Variants in PLEKHA5 observed in about 807,000 individuals in gnomAD.
PLEKHA5 encodes pleckstrin homology domain containing A5.
PLEKHA5 carries 55 observed loss-of-function variants against 181.9 expected under a neutral mutation model. The ratio of observed to expected loss-of-function variants is 0.30; its 90% confidence interval spans 0.24 to 0.38. The LOEUF (loss-of-function observed/expected upper bound fraction) is 0.38. Among genes scored for constraint, PLEKHA5 ranks in the 10% least tolerant of loss-of-function variants. The pLI is 1.00. For missense variants in PLEKHA5, 1,432 were observed against 1,549.5 expected, an observed-to-expected ratio of 0.92 and a Z score of 1.27; for synonymous variants, 535 against 529.4, an observed-to-expected ratio of 1.01 and a Z score of -0.15.
chr12:19,319,166 A>C (rs1347134977), intron 16 of PLEKHA5, among the ~76,000 whole-genome samples: 3 of 152,128 alleles, frequency 2.0e-5, no homozygotes, highest in Non-Finnish European at 4.4e-5. Context: ...ACCTGAGGAT[A>C]CTTATTTTGA....
chr12:19,309,840 A>G (rs765225052), intron 15 of PLEKHA5, among the ~76,000 whole-genome samples: 21 of 152,212 alleles, frequency 1.4e-4, no homozygotes, highest in Non-Finnish European at 2.5e-4. Flanking sequence ...CATGTTATAT[A>G]TGCAAAGTAG....
At chr12:19,200,226 A>G in intron 3 of PLEKHA5, 1 of 808,768 alleles carries the variant, frequency 1.2e-6, no homozygotes, top group East Asian at 2.7e-5. Flanking sequence ...TGCAGCAACA[A>G]AAGTATCACC....
intron 3 of PLEKHA5, chr12:19,153,843 TTGTC>T (rs921070336): frequency 2.0e-4 from 31 of 152,332 alleles, no homozygotes; most frequent in African/African-American, 6.7e-4. Flanking sequence ...TGTACTGTCA[TTGTC>T]TGGCTTTGAT....
chr12:19,348,499 T>C lies in PLEKHA5; in HGVS notation c.2999T>C (p.Ile1000Thr), dbSNP rs2094442415. Residue 1000 changes from isoleucine to threonine, a missense_variant, in exon 25 of 32, where the codon ATA becomes ACA. By Grantham distance (89) the Ile-to-Thr change is moderately conservative. This residue lies in a region of PLEKHA5 where 1,143 missense variants were observed against 1,168.4 expected (regional missense o/e 0.98). Coordinates refer to ENST00000429027, the MANE Select transcript of PLEKHA5 (RefSeq NM_001256470.2). ...GAAAAATCAGAACCTGTTTCAGAGATAGAAACTTCAGTTGTTAAAGGTCAG... is the reference window on the plus strand; with the variant it reads ...GAAAAATCAGAACCTGTTTCAGAGACAGAAACTTCAGTTGTTAAAGGTCAG... ...GEEKSEPVSE[I>T]ETSVVKGSHF... The C allele has an allele frequency of 6.3e-7, 1 of 1,576,144 alleles. No homozygotes were observed.
chr12:19,320,025 TA>T lies in PLEKHA5; in HGVS notation c.2125del (p.Arg709AspfsTer6). On this transcript the variant is annotated frameshift_variant, in exon 17 of 32. Coordinates refer to ENST00000429027, the MANE Select transcript of PLEKHA5 (RefSeq NM_001256470.2). LOFTEE classifies it high-confidence loss of function. Reference sequence around the variant, plus strand: ...TTTTCCTTCATTATCTTTTAGTTCTTAAGACAGAAGAGCAAGATAAGTCTAT... The same window carrying T: ...TTTTCCTTCATTATCTTTTAGTTCTTAGACAGAAGAGCAAGATAAGTCTAT... ...ALRPQLYQQFLRQKSKISLYC... is the reference protein window; with the variant it reads ...ALRPQLYQQFXRQKSKISLYC... 1.5e-6 allele frequency: 2 copies of T among 1,331,928 alleles called. No homozygotes were observed. Among genetic ancestry groups the T allele is most frequent in the Non-Finnish European group, 2.1e-6 (2 of 973,680 alleles). The allele number at this position is 1,331,928 out of a possible 1,614,324, so 82.5% of individuals were successfully genotyped here. A position where few individuals can be genotyped will look rare whatever the true frequency, so the allele number is the denominator to read the frequency against.
intron 3 of PLEKHA5, among the ~76,000 whole-genome samples, chr12:19,176,984 C>T (rs544744878): frequency 6.9e-4 from 105 of 152,160 alleles, no homozygotes; most frequent in African/African-American, 2.5e-3. Flanking sequence ...TCTCCCGCCT[C>T]GGCCTCCTGA....
chr12:19,240,454 T>A (rs1281175104), intron 3 of PLEKHA5, among the ~76,000 whole-genome samples: 5 of 150,610 alleles, frequency 3.3e-5, no homozygotes. Flanking sequence ...TTTTTTTTTT[T>A]TTTTTAAAGA....
chr12:19,307,925 TA>T (rs892316520), intron 15 of PLEKHA5, among the ~76,000 whole-genome samples: 28 of 143,124 alleles, frequency 2.0e-4, no homozygotes, highest in African/African-American at 7.3e-4. Context: ...CTGGGAAACA[TA>T]AAAAGAAGAA....
rs113716726 is a variant in PLEKHA5, at chr12:19,277,903, G to A, written c.1313+2920G>A. 2.0e-5 allele frequency among the ~76,000 whole-genome samples: 3 copies of A among 152,296 alleles called. 1 individual carries two copies. Among genetic ancestry groups the A allele is most frequent in the African/African-American group, 7.2e-5 (3 of 41,570 alleles). On this transcript the variant is annotated intron_variant, in intron 11 of 31. Coordinates refer to ENST00000429027, the MANE Select transcript of PLEKHA5 (RefSeq NM_001256470.2). ...TGGTCCTTAAGCCATTGTTCTGCAT[G>A]GCAGAATCACAGGGAAAGGGCTTTT...
At chr12:19,362,191 AG>A (rs2095269172) in intron 29 of PLEKHA5, among the ~76,000 whole-genome samples, 36 of 124,912 alleles carry the variant, frequency 2.9e-4, no homozygotes, top group African/African-American at 9.8e-4. Context: ...AAAAAAAAAA[AG>A]GCATAATAAC....
chr12:19,317,507 A>G (rs892133321), intron 16 of PLEKHA5, among the ~76,000 whole-genome samples: 2 of 152,132 alleles, frequency 1.3e-5, no homozygotes, highest in Non-Finnish European at 2.9e-5. Context: ...AAATGCCTAT[A>G]GTCCTATGAG....
intron 7 of PLEKHA5, among the ~76,000 whole-genome samples, chr12:19,263,138 ATAAT>A (rs967315672): frequency 2.6e-5 from 4 of 152,262 alleles, no homozygotes; most frequent in East Asian, 3.9e-4. Context: ...TTAAATTAAA[ATAAT>A]TAGATTTCAG....
chr12:19,189,362 A>G (rs4764471), intron 3 of PLEKHA5, among the ~76,000 whole-genome samples: 14,814 of 152,310 alleles, frequency 0.097, 881 homozygotes, highest in Admixed American at 0.19. Flanking sequence ...AAGTGTCAGC[A>G]GAGATGGAGG....
chr12:19,232,639 T>A (rs935996293), intron 3 of PLEKHA5, among the ~76,000 whole-genome samples: 2 of 152,182 alleles, frequency 1.3e-5, no homozygotes, highest in African/African-American at 4.8e-5. Flanking sequence ...GGCTTTCTCA[T>A]TATAAATGGT....
At chr12:19,201,428 G>T (rs573982023) in intron 3 of PLEKHA5, 2 of 152,096 alleles carry the variant, frequency 1.3e-5, no homozygotes, top group Non-Finnish European at 2.9e-5. Flanking sequence ...AAAGAGATTG[G>T]CAGTTTCTGG....
chr12:19,170,219 C>T (rs2045570085), intron 3 of PLEKHA5, among the ~76,000 whole-genome samples: 1 of 152,144 alleles, frequency 6.6e-6, no homozygotes, highest in African/African-American at 2.4e-5. Context: ...AATGTCTGGC[C>T]TTTGCTGAAT....
chr12:19,314,654 T>G (rs926066904), intron 15 of PLEKHA5, 160 bp from the exon 16 acceptor site: 8 of 634,492 alleles, frequency 1.3e-5, no homozygotes, highest in Non-Finnish European at 2.3e-5. Flanking sequence ...TTGTTTGAAA[T>G]GGTTTATATG....
intron 15 of PLEKHA5, among the ~76,000 whole-genome samples, chr12:19,309,826 A>T (rs912746932): frequency 3.3e-5 from 5 of 152,128 alleles, no homozygotes; most frequent in African/African-American, 1.2e-4. Flanking sequence ...GCACACAGTG[A>T]TTTCATGTTA....
At chr12:19,176,749 G>T (rs1209507512) in intron 3 of PLEKHA5, among the ~76,000 whole-genome samples, 2 of 152,016 alleles carry the variant, frequency 1.3e-5, no homozygotes, top group African/African-American at 4.8e-5. Context: ...TTAACTTTCT[G>T]TATTTACTTA....
Sources: allele counts gnomAD v4.1 joint callset (sites outside exome capture counted in the v4.1 genomes callset), GRCh38; gene constraint gnomAD v4.1.1; regional missense constraint gnomAD v4.1.1; transcripts MANE v1.5; gene names NCBI Gene and HGNC (gene_info 2026-07-23, HGNC 2026-07-21).